Variants in SYNCRIP observed in about 807,000 individuals in gnomAD.
SYNCRIP encodes heterogeneous nuclear ribonucleoprotein Q.
A neutral mutation model predicts 68.9 loss-of-function variants in SYNCRIP; 9 were observed. That is an observed-to-expected ratio of 0.13 (90% confidence interval 0.08 to 0.23). The LOEUF (loss-of-function observed/expected upper bound fraction) is 0.23, where lower values mean the gene tolerates loss of function less well. Among genes scored for constraint, SYNCRIP ranks in the 10% least tolerant of loss-of-function variants. SYNCRIP has a pLI of 1.00. For synonymous variants in SYNCRIP, 258 were observed against 254.0 expected (o/e 1.02, Z -0.15); for missense variants, 414 against 770.6 (o/e 0.54, Z 5.48).
In SYNCRIP at chr6:85,631,235, C is replaced by G. The variant is rs544927279; in HGVS notation, c.666+5732G>C. On this transcript the variant is annotated intron_variant, in intron 6 of 10. Coordinates refer to ENST00000369622, the MANE Select transcript of SYNCRIP (RefSeq NM_006372.5). ...GCACACACCTGTAATCCCAGCTACT[C>G]AGTGGCTGAGGCAGAACTGCTTGAA... Among the ~76,000 whole-genome samples, 3 of 151,044 alleles carry G rather than the reference C, an allele frequency of 2.0e-5. No homozygotes were observed. In the South Asian group the frequency reaches 6.3e-4, roughly 31 times the overall value.
Position 85,629,368 on chromosome 6 carries a change from A to G in SYNCRIP, c.667-5256T>C, listed in dbSNP as rs1444456561. ...TATCTGAAGTAAAAGTTTTCATGCT[A>G]AACACACTATTTGCTAAATTATTAT... On this transcript the variant is annotated intron_variant, in intron 6 of 10. Coordinates refer to ENST00000369622, the MANE Select transcript of SYNCRIP (RefSeq NM_006372.5). Among the ~76,000 whole-genome samples the G allele has an allele frequency of 3.3e-5, 5 of 152,128 alleles. No individual in the cohort carries two copies. The East Asian group carries it at 5.8e-4, about 18-fold the overall frequency.
At chr6:85,617,436 A>T (rs1208276970) in intron 10 of SYNCRIP, among the ~76,000 whole-genome samples, 1 of 152,160 alleles carries the variant, frequency 6.6e-6, no homozygotes, top group Non-Finnish European at 1.5e-5. Flanking sequence ...TGAAAGAAAT[A>T]AAAAGAAGTT....
At chr6:85,629,963 G>C (rs1186714706) in intron 6 of SYNCRIP, among the ~76,000 whole-genome samples, 1 of 149,946 alleles carries the variant, frequency 6.7e-6, no homozygotes, top group Non-Finnish European at 1.5e-5. Context: ...CAGCCTCGTT[G>C]AGAGTGAGGA....
At chr6:85,620,174 A>T (rs1396174340) in intron 8 of SYNCRIP, among the ~76,000 whole-genome samples, 1 of 152,220 alleles carries the variant, frequency 6.6e-6, no homozygotes, top group Non-Finnish European at 1.5e-5. Context: ...TGAACCCAAG[A>T]GGCAGAGGTT....
chr6:85,632,862 G>A (rs762528789), intron 6 of SYNCRIP, among the ~76,000 whole-genome samples: 17 of 152,274 alleles, frequency 1.1e-4, no homozygotes, highest in African/African-American at 2.4e-4. Flanking sequence ...ACGTAAGCCC[G>A]GGAGTTCAAG....
intron 1 of SYNCRIP, 120 bp from the exon 2 acceptor site, chr6:85,641,571 T>TA (rs1204927320): frequency 2.4e-5 from 23 of 977,888 alleles, no homozygotes; most frequent in Non-Finnish European, 1.5e-6. Flanking sequence ...TACCTCCCTT[T>TA]AAAAAAGCCT....
intron 4 of SYNCRIP, among the ~76,000 whole-genome samples, chr6:85,638,318 T>C (rs1349921189): frequency 1.5e-5 from 2 of 131,892 alleles, no homozygotes; most frequent in African/African-American, 2.9e-5. Context: ...GGGGCGGAGG[T>C]TGCAGTGAGC....
chr6:85,627,040 C>T (rs62443359), intron 6 of SYNCRIP, among the ~76,000 whole-genome samples: 159 of 152,060 alleles, frequency 1.0e-3, no homozygotes, highest in Non-Finnish European at 2.1e-3. Context: ...CTGAGGCGGG[C>T]GAATTGCCTA....
At position 85,615,347 on chromosome 6, in the gene SYNCRIP, C is replaced by A; in HGVS notation, c.1281G>T (p.Met427Ile). 1 of 1,469,210 alleles carries A rather than the reference C, an allele frequency of 6.8e-7. No homozygotes were observed. Among genetic ancestry groups the A allele is most frequent in the Non-Finnish European group, 9.0e-7 (1 of 1,105,214 alleles). The allele number at this position is 1,469,210 out of a possible 1,614,324, so 91.0% of individuals were successfully genotyped here. A position where few individuals can be genotyped will look rare whatever the true frequency, so the allele number is the denominator to read the frequency against. Reference sequence around the variant, plus strand: ...GACCATAATAGTAGTAATCGTCATACCTATTAAAAAAGAGACAGAGATTAG... The same window carrying A: ...GACCATAATAGTAGTAATCGTCATAACTATTAAAAAAGAGACAGAGATTAG... ...KAQRQAAKNQ[M>I]YDDYYYYGPP... Residue 427 changes from methionine (M) to isoleucine (I), a missense_variant and splice_region_variant, in exon 11 of 11, where the codon ATG (methionine) becomes ATT (isoleucine). Coordinates refer to ENST00000369622, the MANE Select transcript of SYNCRIP (RefSeq NM_006372.5).
intron 6 of SYNCRIP, among the ~76,000 whole-genome samples, chr6:85,629,792 A>G (rs917020501): frequency 6.6e-6 from 1 of 152,046 alleles, no homozygotes; most frequent in Admixed American, 6.6e-5. Flanking sequence ...ACTGCAATCC[A>G]GCCTGGGCAA....
chr6:85,614,271 C>T lies in SYNCRIP; in HGVS notation c.*485G>A, dbSNP rs1805516401. On this transcript the variant is annotated 3_prime_UTR_variant, in exon 11 of 11. Coordinates refer to ENST00000369622, the MANE Select transcript of SYNCRIP (RefSeq NM_006372.5). The stretch of plus-strand genomic sequence containing the variant: ...ACAACAGCATAAAGAATACAAGTAG[C>T]CAAAATGGTTTTGAAAACCCAAATT... 1.0e-6 allele frequency: 1 copy of T among 985,426 alleles called. No homozygotes were observed. 61.0% of individuals were successfully genotyped at this position (985,426 alleles called of 1,614,324 possible). A position where few individuals can be genotyped will look rare whatever the true frequency, so the allele number is the denominator to read the frequency against.
At position 85,615,341 on chromosome 6, in the gene SYNCRIP, G is replaced by A. The variant is rs145090428; in HGVS notation, c.1287C>T (p.Asp429=). 5.6e-5 allele frequency: 83 copies of A among 1,477,292 alleles called. No homozygotes were observed. Among genetic ancestry groups the A allele is most frequent in the Middle Eastern group, 1.8e-4 (1 of 5,474 alleles). 91.5% of individuals were successfully genotyped at this position (1,477,292 alleles called of 1,614,324 possible). A position where few individuals can be genotyped will look rare whatever the true frequency, so the allele number is the denominator to read the frequency against. Residue 429 remains aspartate, a synonymous_variant, in exon 11 of 11, where the codon GAC becomes GAT. Transcript: ENST00000369622. ...QRQAAKNQMY[D]DYYYYGPPHM... is the part of the protein sequence containing the mutation. ...GAGGTGGACCATAATAGTAGTAATC[G>A]TCATACCTATTAAAAAAGAGACAGA...
At chr6:85,631,970 A>G (rs1416678385) in intron 6 of SYNCRIP, among the ~76,000 whole-genome samples, 1 of 152,236 alleles carries the variant, frequency 6.6e-6, no homozygotes, top group African/African-American at 2.4e-5. Context: ...AGTTTAGATC[A>G]TGCTTCCCTA....
At chr6:85,632,240 T>C in intron 6 of SYNCRIP, among the ~76,000 whole-genome samples, 1 of 152,182 alleles carries the variant, frequency 6.6e-6, no homozygotes, top group African/African-American at 2.4e-5. Flanking sequence ...TATTTCAACC[T>C]AAGGTATTCC....
At chr6:85,624,134 C>G in intron 6 of SYNCRIP, 22 bp from the exon 7 acceptor site, 1 of 1,604,592 alleles carries the variant, frequency 6.2e-7, no homozygotes, top group African/African-American at 1.3e-5. Flanking sequence ...AAAAGTGCAT[C>G]ATGTTTTTAA....
At chr6:85,634,342 T>C (rs1393623445) in intron 6 of SYNCRIP, among the ~76,000 whole-genome samples, 1 of 152,232 alleles carries the variant, frequency 6.6e-6, no homozygotes, top group Non-Finnish European at 1.5e-5. Context: ...AGTGGTCACC[T>C]ACCATAATTG....
At chr6:85,622,155 C>G (rs139392080) in intron 8 of SYNCRIP, among the ~76,000 whole-genome samples, 5 of 152,038 alleles carry the variant, frequency 3.3e-5, no homozygotes, top group Admixed American at 3.3e-4. Context: ...AGGTGGATCC[C>G]GAGGTCAGGA....
chr6:85,631,397 T>C (rs1344124464), intron 6 of SYNCRIP, among the ~76,000 whole-genome samples: 3 of 145,966 alleles, frequency 2.1e-5, no homozygotes, highest in African/African-American at 7.8e-5. Flanking sequence ...AAAAGGGTAA[T>C]TAAAAGGAAG....
chr6:85,632,796 T>G (rs1015201973), intron 6 of SYNCRIP, among the ~76,000 whole-genome samples: 1 of 151,972 alleles, frequency 6.6e-6, no homozygotes, highest in African/African-American at 2.4e-5. Context: ...AAAATTAGCC[T>G]AGCAAGGTGG....
Sources: gnomAD v4.1 joint callset for allele counts (sites outside exome capture counted in the v4.1 genomes callset) on GRCh38, gnomAD v4.1.1 for gene constraint, MANE v1.5 for transcripts, NCBI Gene and HGNC (gene_info 2026-07-23, HGNC 2026-07-21) for gene names.